ARID1A: variants seen among roughly 807,000 people sequenced by gnomAD.
The protein encoded by ARID1A is AT-rich interaction domain 1A, also known as AT-rich interactive domain-containing protein 1A.
Under a neutral mutation model 212.6 loss-of-function variants are expected in ARID1A, and 20 were observed. The observed-to-expected ratio is 0.09, with a 90% CI of 0.07 to 0.14. The LOEUF is 0.14. Among genes scored for constraint, ARID1A ranks in the 10% least tolerant of loss-of-function variants. The pLI is 1.00. For missense variants in ARID1A, 2,587 were observed against 3,059.0 expected, an observed-to-expected ratio of 0.85 and a Z score of 3.64; for synonymous variants, 1,376 against 1,222.1, an observed-to-expected ratio of 1.13 and a Z score of -2.63.
chr1:26,731,725 C>CCCATG, intron 3 of ARID1A, 121 bp downstream of exon 3: 22 of 1,094,288 alleles, frequency 2.0e-5, no homozygotes, highest in Non-Finnish European at 2.8e-5. Context: ...ACCAATTAAA[C>CCCATG]TCTGGGTAAA....
Position 26,779,793 on chromosome 1 carries a change from C to T in ARID1A, c.5895C>T (p.Thr1965=). The part of the protein sequence containing the change: ...LEDEPHSKDE[T]PLCTLLDWQD... ...ACGAACCCCACAGTAAGGATGAGAC[C>T]CCACTGTGTACCCTTCTGGACTGGC... The change falls in exon 20 of 20, where the codon ACC becomes ACT. Residue 1965 remains threonine (T), a synonymous_variant. Transcript: ENST00000324856. 1 of 1,614,102 alleles carries T rather than the reference C, an allele frequency of 6.2e-7. No homozygotes were observed. Among genetic ancestry groups the T allele is most frequent in the African/African-American group, 1.3e-5 (1 of 75,014 alleles).
At chr1:26,700,671 G>T (rs1398530548) in intron 1 of ARID1A, among the ~76,000 whole-genome samples, 1 of 152,208 alleles carries the variant, frequency 6.6e-6, no homozygotes, top group Admixed American at 6.5e-5. Context: ...AAGTTTGGTT[G>T]TTAGTTTCTA....
Position 26,775,097 on chromosome 1 carries a change from C to T in ARID1A, c.4870C>T (p.His1624Tyr), listed in dbSNP as rs2124123214. 6.2e-7 allele frequency: 1 copy of T among 1,613,366 alleles called. No homozygotes were observed. The highest frequency in any genetic ancestry group is 8.5e-7 in the Non-Finnish European group (1 of 1,179,788). Reference protein sequence around the residue: ...QKAGPPVPASHIAPAPVQPPM... With the variant: ...QKAGPPVPASYIAPAPVQPPM... ...GGCAGGTCCCCCAGTACCTGCCTCG[C>T]ACATAGCACCTGCCCCTGTGCAGCC... Residue 1624 changes from histidine to tyrosine, a missense_variant, in exon 18 of 20, where the codon CAC becomes TAC. His to Tyr is a moderately conservative substitution (Grantham distance 83). Coordinates refer to ENST00000324856, the MANE Select transcript of ARID1A (RefSeq NM_006015.6).
chr1:26,718,437 G>A (rs559251308), intron 1 of ARID1A, among the ~76,000 whole-genome samples: 13 of 152,224 alleles, frequency 8.5e-5, no homozygotes, highest in Admixed American at 2.0e-4. Flanking sequence ...TTATCTGTGC[G>A]GCGATATCTT....
chr1:26,711,973 G>GT (rs1320096075), intron 1 of ARID1A, among the ~76,000 whole-genome samples: 1 of 152,026 alleles, frequency 6.6e-6, no homozygotes, highest in Non-Finnish European at 1.5e-5. Context: ...TCTCAGCTAC[G>GT]TGGGGGCTGA....
In ARID1A at chr1:26,780,612, G is replaced by A. The variant is rs1386614119; in HGVS notation, c.6714G>A (p.Leu2238=). ...TGATGCGGCGGGCTGCCCGCGCGCT[G>A]CTTGCCTTGGCCAAGGTGGACGAGA... ...VDMMRRAARA[L]LALAKVDENH... is the part of the protein sequence containing the mutation. Residue 2238 remains leucine, a synonymous_variant, in exon 20 of 20, where the codon CTG becomes CTA. Coordinates refer to ENST00000324856, the MANE Select transcript of ARID1A (RefSeq NM_006015.6). This position sits in a 1 kb window ranked among gnomAD's most constrained non-coding sequence, Gnocchi z 7.2. 6 of 1,613,536 alleles carry A rather than the reference G, an allele frequency of 3.7e-6. No individual in the cohort carries two copies.
In ARID1A at chr1:26,781,370, G is replaced by GTAA. The variant is rs1189316316; in HGVS notation, c.*622_*624dup. ...GTACACCTGATACTGTAAACATACTGTAATAATAATGTCTCACATGGAAAC... is the reference window on the plus strand; with the variant it reads ...GTACACCTGATACTGTAAACATACTGTAATAATAATAATGTCTCACATGGAAAC... On this transcript the variant is annotated 3_prime_UTR_variant, in exon 20 of 20. Coordinates refer to ENST00000324856, the MANE Select transcript of ARID1A (RefSeq NM_006015.6). 1 of 232,156 alleles carries GTAA rather than the reference G, an allele frequency of 4.3e-6. No homozygotes were observed. Among genetic ancestry groups the GTAA allele is most frequent in the African/African-American group, 2.2e-5 (1 of 45,130 alleles). 14.4% of individuals were successfully genotyped at this position (232,156 alleles called of 1,614,324 possible). A position where few individuals can be genotyped will look rare whatever the true frequency, so the allele number is the denominator to read the frequency against.
chr1:26,710,494 T>TACATACACAC (rs113290668), intron 1 of ARID1A, among the ~76,000 whole-genome samples: 13 of 131,424 alleles, frequency 9.9e-5, no homozygotes, highest in Admixed American at 1.5e-4. Flanking sequence ...AAATAATACA[T>TACATACACAC]ACACACACAC....
chr1:26,772,735 A>G (rs537174405), intron 13 of ARID1A, 77 bp from the exon 14 acceptor site: 19 of 1,606,386 alleles, frequency 1.2e-5, no homozygotes, highest in African/African-American at 4.0e-5. Context: ...CTTCCCAGCC[A>G]GTGACTCCTG....
intron 1 of ARID1A, among the ~76,000 whole-genome samples, chr1:26,719,941 CAA>C (rs1213565550): frequency 4.2e-4 from 21 of 49,664 alleles, no homozygotes; most frequent in African/African-American, 9.2e-4. Flanking sequence ...AAGTCCGTCT[CAA>C]AAAAAAAAAA....
At chr1:26,708,437 A>C (rs1486271280) in intron 1 of ARID1A, among the ~76,000 whole-genome samples, 1 of 150,492 alleles carries the variant, frequency 6.6e-6, no homozygotes, top group African/African-American at 2.4e-5. Flanking sequence ...GGTGCCCACC[A>C]CCACGCCCAG....
rs2124063853 is a variant in ARID1A at position 26,762,242 on chromosome 1, T to C, written c.2342T>C (p.Ile781Thr). ...CCGCGTCAGCCTTCCGGAGGACAGA[T>C]ACACACAGGCATGGGCTCCTACCAG... is the stretch of plus-strand genomic sequence containing the variant. ...LSPRQPSGGQ[I>T]HTGMGSYQQN... The change falls in exon 7 of 20, where the codon ATA becomes ACA. Residue 781 changes from isoleucine (I) to threonine (T), a missense_variant. This residue lies in a region of ARID1A where 674 missense variants were observed against 813.4 expected (regional missense o/e 0.83). Transcript: ENST00000324856. 6.2e-7 allele frequency: 1 copy of C among 1,614,120 alleles called. No homozygotes were observed. The highest frequency in any genetic ancestry group is 8.5e-7 in the Non-Finnish European group (1 of 1,180,024).
At chr1:26,716,163 G>A (rs1304469709) in intron 1 of ARID1A, among the ~76,000 whole-genome samples, 4 of 144,794 alleles carry the variant, frequency 2.8e-5, no homozygotes, top group Non-Finnish European at 6.0e-5. Context: ...CCAAGATCGC[G>A]CCACTGCACT....
In ARID1A at chr1:26,781,039, T is replaced by G; in HGVS notation, c.*283T>G. The G allele has an allele frequency of 2.8e-6, 1 of 356,594 alleles. No individual in the cohort carries two copies. Among genetic ancestry groups the G allele is most frequent in the Non-Finnish European group, 5.0e-6 (1 of 198,734 alleles). The allele number at this position is 356,594 out of a possible 1,614,324, so 22.1% of individuals were successfully genotyped here. A position where few individuals can be genotyped will look rare whatever the true frequency, so the allele number is the denominator to read the frequency against. Reference sequence around the variant, plus strand: ...AAGCTCTGCCTACATAGAAGACTTTTTTTATTTTAACCAAAGTTACTGTTG... The same window carrying G: ...AAGCTCTGCCTACATAGAAGACTTTGTTTATTTTAACCAAAGTTACTGTTG... On this transcript the variant is annotated 3_prime_UTR_variant, in exon 20 of 20. Transcript: ENST00000324856.
chr1:26,736,489 C>T (rs1269110076), intron 4 of ARID1A, among the ~76,000 whole-genome samples: 4 of 151,678 alleles, frequency 2.6e-5, no homozygotes, highest in African/African-American at 7.3e-5. Flanking sequence ...ATTAGCTGGG[C>T]GTGGTGGCGG....
chr1:26,761,302 A>T lies in ARID1A; in HGVS notation c.2162-82A>T, dbSNP rs576734436. ...GAGGTACTTGGCCTCTTCATGAGCC[A>T]TTTCTAGCTCTGAATTAACTTCCTA... On this transcript the variant is annotated intron_variant, in intron 5 of 19. Transcript: ENST00000324856. 94 of 1,553,890 alleles carry T rather than the reference A, an allele frequency of 6.0e-5. 4 individuals carry two copies. In the South Asian group the frequency reaches 9.5e-4, roughly 16 times the overall value.
intron 4 of ARID1A, among the ~76,000 whole-genome samples, chr1:26,756,603 C>A (rs1008364344): frequency 1.3e-5 from 2 of 150,536 alleles, no homozygotes; most frequent in African/African-American, 2.4e-5. Flanking sequence ...CAAAAAAAAA[C>A]CCACAAAGAT....
chr1:26,728,354 C>A (rs932633586), intron 1 of ARID1A, among the ~76,000 whole-genome samples: 9 of 152,108 alleles, frequency 5.9e-5, no homozygotes, highest in African/African-American at 2.2e-4. Context: ...CACTTAATAG[C>A]ATTATTAAAA....
chr1:26,761,335 T>G (rs777120566), intron 5 of ARID1A, 49 bp from the exon 6 acceptor site: 1 of 1,603,298 alleles, frequency 6.2e-7, no homozygotes, highest in Non-Finnish European at 8.5e-7. Flanking sequence ...CTAGTTAGAA[T>G]TCCCAGGCTT....
Sources: allele counts gnomAD v4.1 joint callset (sites outside exome capture counted in the v4.1 genomes callset), GRCh38; gene constraint gnomAD v4.1.1; regional missense constraint gnomAD v4.1.1; non-coding constraint Gnocchi (gnomAD v3.1); transcripts MANE v1.5; gene names NCBI Gene and HGNC (gene_info 2026-07-23, HGNC 2026-07-21).